SLC24A5: variants seen among roughly 807,000 people sequenced by gnomAD.
SLC24A5 encodes solute carrier family 24 member 5.
In SLC24A5, 46 loss-of-function variants were observed where a neutral mutation model predicts 51.6. That is an observed-to-expected ratio of 0.89 (90% CI 0.70 to 1.14). The LOEUF is 1.14. Ranked by LOEUF, SLC24A5 falls within the 50% of genes most tolerant of loss-of-function variation. The pLI is 0.00. For missense variants in SLC24A5, 581 were observed against 604.1 expected, an observed-to-expected ratio of 0.96 and a Z score of 0.40; for synonymous variants, 230 against 214.9, an observed-to-expected ratio of 1.07 and a Z score of -0.62.
chr15:48,138,852 A>G (rs749364346), intron 6 of SLC24A5, 117 bp from the exon 7 acceptor site: 1 of 752,614 alleles, frequency 1.3e-6, no homozygotes. Context: ...AAATGTTTTA[A>G]ACAGCCTTTT....
At position 48,121,941 on chromosome 15, in the gene SLC24A5, T is replaced by C; in HGVS notation, c.206T>C (p.Ile69Thr). 2 of 1,614,166 alleles carry C rather than the reference T, an allele frequency of 1.2e-6. No individual in the cohort carries two copies. Among genetic ancestry groups the C allele is most frequent in the African/African-American group, 2.7e-5 (2 of 75,046 alleles). Residue 69 changes from isoleucine to threonine, a missense_variant, in exon 2 of 9, where the codon ATC becomes ACC. By Grantham distance (89) the Ile-to-Thr change is moderately conservative. Transcript: ENST00000341459. ...AGACAGGAGCGCAGAGATGGAGGCATCATAATCTATTTCCTAATTATCGTT... is the reference window on the plus strand; with the variant it reads ...AGACAGGAGCGCAGAGATGGAGGCACCATAATCTATTTCCTAATTATCGTT... ...FTRQERRDGGIIIYFLIIVYM... is the reference protein window; with the variant it reads ...FTRQERRDGGTIIYFLIIVYM...
At chr15:48,129,431 T>C (rs2038766604) in intron 2 of SLC24A5, among the ~76,000 whole-genome samples, 1 of 152,152 alleles carries the variant, frequency 6.6e-6, no homozygotes, top group Non-Finnish European at 1.5e-5. Context: ...CTAAATTGTA[T>C]GACTCAGCAT....
At chr15:48,128,953 C>T (rs2140715627) in intron 2 of SLC24A5, among the ~76,000 whole-genome samples, 1 of 152,252 alleles carries the variant, frequency 6.6e-6, no homozygotes, top group East Asian at 1.9e-4. Context: ...CTTCCTACCT[C>T]TGCATTTATT....
chr15:48,142,144 A>C lies in SLC24A5; in HGVS notation c.1296A>C (p.Glu432Asp). ...TAFINGSAPAEVNSRGLTYIT... is the reference protein window; with the variant it reads ...TAFINGSAPADVNSRGLTYIT... ...TTATAAATGGATCAGCTCCTGCAGA[A>C]GTAAACAGCAGAGGACTAACTTACA... Residue 432 changes from glutamate (E) to aspartate (D), a missense_variant, in exon 9 of 9, where the codon GAA becomes GAC. Coordinates refer to ENST00000341459, the MANE Select transcript of SLC24A5 (RefSeq NM_205850.3). The C allele has an allele frequency of 6.2e-7, 1 of 1,613,910 alleles. No homozygotes were observed. The highest frequency in any genetic ancestry group is 8.5e-7 in the Non-Finnish European group (1 of 1,179,868).
chr15:48,138,737 A>G (rs188355630), intron 6 of SLC24A5: 22 of 471,402 alleles, frequency 4.7e-5, no homozygotes, highest in African/African-American at 4.0e-4. Context: ...ATTTTTATAG[A>G]TTTAAGGCCC....
chr15:48,121,303 A>C, intron 1 of SLC24A5, 138 bp downstream of exon 1: 1 of 938,986 alleles, frequency 1.1e-6, no homozygotes, highest in Non-Finnish European at 1.5e-6. Flanking sequence ...GCATTTAAAA[A>C]GATATCAAAC....
intron 1 of SLC24A5, 66 bp downstream of exon 1, chr15:48,121,231 T>A: frequency 6.6e-7 from 1 of 1,504,882 alleles, no homozygotes; most frequent in Non-Finnish European, 8.9e-7. Context: ...CACATACAGA[T>A]GAAGGGACAA....
chr15:48,132,459 A>T (rs1359986019), intron 2 of SLC24A5, among the ~76,000 whole-genome samples: 1 of 152,110 alleles, frequency 6.6e-6, no homozygotes, highest in African/African-American at 2.4e-5. Flanking sequence ...TATTTTGTTC[A>T]CTGCCTTATT....
In SLC24A5 at chr15:48,136,870, C is replaced by T. The variant is rs1372956690; in HGVS notation, c.778C>T (p.Arg260Trp). The T allele has an allele frequency of 6.2e-7, 1 of 1,613,688 alleles. No individual in the cohort carries two copies. Among genetic ancestry groups the T allele is most frequent in the East Asian group, 2.2e-5 (1 of 44,892 alleles). Residue 260 changes from arginine to tryptophan, a missense_variant, in exon 6 of 9, where the codon CGG (arginine) becomes TGG (tryptophan). By Grantham distance (101) the Arg-to-Trp change is moderately radical. Transcript: ENST00000341459. The part of the protein sequence containing the change: ...WEDEGQPFIR[R>W]QSRTDSGIFY... ...AGATGAAGGTCAACCATTCATTCGT[C>T]GGCAATCAAGAACTGATAGTGGAAT...
Position 48,122,008 on chromosome 15 carries a change from C to T in SLC24A5, c.273C>T (p.Phe91=), listed in dbSNP as rs566778733. The change falls in exon 2 of 9, where the codon TTC becomes TTT. Residue 91 remains phenylalanine (F), a synonymous_variant. Transcript: ENST00000341459. The part of the protein sequence containing the change: ...MAISIVCDEY[F]LPSLEIISES... ...TATCTATTGTCTGTGATGAATACTT[C>T]CTACCCTCCCTGGAAATCATCAGTG... 3.1e-6 allele frequency: 5 copies of T among 1,614,170 alleles called. No individual in the cohort carries two copies. In the African/African-American group the frequency reaches 6.7e-5, roughly 22 times the overall value.
chr15:48,130,157 A>G (rs1195641877), intron 2 of SLC24A5, among the ~76,000 whole-genome samples: 1 of 152,168 alleles, frequency 6.6e-6, no homozygotes. Flanking sequence ...GAACATTTCT[A>G]CTATATCTTC....
At chr15:48,126,083 T>C (rs1046692629) in intron 2 of SLC24A5, among the ~76,000 whole-genome samples, 1 of 152,184 alleles carries the variant, frequency 6.6e-6, no homozygotes, top group African/African-American at 2.4e-5. Context: ...ACCAGTGCTC[T>C]TTCTCTTTTG....
At position 48,142,008 on chromosome 15, in the gene SLC24A5, CA is replaced by C. The variant is rs754793667; in HGVS notation, c.1181-20del. On this transcript the variant is annotated intron_variant, in intron 8 of 8. Coordinates refer to ENST00000341459, the MANE Select transcript of SLC24A5 (RefSeq NM_205850.3). ...CACAGTATTGGTAAGCACATTTTAA[CA>C]GTATGCTTTTCTTTTGTAGGGAAAG... 1.3e-6 allele frequency: 2 copies of C among 1,545,784 alleles called. No homozygotes were observed. The highest frequency in any genetic ancestry group is 1.8e-6 in the Non-Finnish European group (2 of 1,129,844).
chr15:48,134,143 T>C, intron 2 of SLC24A5, 115 bp from the exon 3 acceptor site: 3 of 844,716 alleles, frequency 3.6e-6, no homozygotes, highest in Non-Finnish European at 5.8e-6. Flanking sequence ...ATTTTATTTT[T>C]CTAGTTTAAT....
At chr15:48,133,869 A>G (rs1041876290) in intron 2 of SLC24A5, among the ~76,000 whole-genome samples, 10 of 152,084 alleles carry the variant, frequency 6.6e-5, no homozygotes, top group Admixed American at 6.6e-5. Flanking sequence ...GTTCAGCTGC[A>G]TTATACATCT....
intron 2 of SLC24A5, chr15:48,124,540 C>T (rs2038711557): frequency 6.6e-6 from 1 of 151,870 alleles, no homozygotes; most frequent in East Asian, 1.9e-4. Flanking sequence ...CTTAACTGAA[C>T]AATGACATGA....
At chr15:48,131,193 A>G (rs2038786237) in intron 2 of SLC24A5, among the ~76,000 whole-genome samples, 1 of 152,168 alleles carries the variant, frequency 6.6e-6, no homozygotes, top group African/African-American at 2.4e-5. Flanking sequence ...TATTATGGTC[A>G]GTTGTACACA....
chr15:48,122,099 C>T (rs766862793), intron 2 of SLC24A5, 63 bp downstream of exon 2: 7 of 1,530,624 alleles, frequency 4.6e-6, no homozygotes, highest in Non-Finnish European at 6.3e-6. Context: ...ATATGACTGT[C>T]TTTGAAATAG....
At position 48,120,994 on chromosome 15, in the gene SLC24A5, C is replaced by T. The variant is rs1338196932; in HGVS notation, c.-51C>T. Reference sequence around the variant, plus strand: ...ACTCCTCACATGATCCAGTTTAATCCTCCTCTTCTCCCTTCCTGAAGCTGC... The same window carrying T: ...ACTCCTCACATGATCCAGTTTAATCTTCCTCTTCTCCCTTCCTGAAGCTGC... On this transcript the variant is annotated 5_prime_UTR_variant, in exon 1 of 9. Coordinates refer to ENST00000341459, the MANE Select transcript of SLC24A5 (RefSeq NM_205850.3). 3.8e-6 allele frequency: 6 copies of T among 1,588,456 alleles called. No homozygotes were observed. Among genetic ancestry groups the T allele is most frequent in the Non-Finnish European group, 5.1e-6 (6 of 1,166,576 alleles).
Sources: allele counts gnomAD v4.1 joint callset (sites outside exome capture counted in the v4.1 genomes callset), GRCh38; gene constraint gnomAD v4.1.1; transcripts MANE v1.5; gene names NCBI Gene and HGNC (gene_info 2026-07-23, HGNC 2026-07-21).